Variants in TCEANC2 observed in about 807,000 individuals in gnomAD.
TCEANC2 encodes the protein transcription elongation factor A N-terminal and central domain containing 2.
A neutral mutation model predicts 22.8 loss-of-function variants in TCEANC2; 20 were observed. The observed-to-expected ratio is 0.88, with a 90% confidence interval of 0.62 to 1.28. The LOEUF (loss-of-function observed/expected upper bound fraction) is 1.28, where lower values mean the gene tolerates loss of function less well. TCEANC2 is among the 50% of genes most tolerant of loss of function. The probability of loss-of-function intolerance (pLI) is 0.00; values close to 1 mark genes in which losing one functional copy is unlikely to be tolerated. For missense variants in TCEANC2, 251 were observed against 249.7 expected, an observed-to-expected ratio of 1.01 and a Z score of -0.03; for synonymous variants, 84 against 95.5, an observed-to-expected ratio of 0.88 and a Z score of 0.70.
chr1:54,062,201 C>T (rs1400139657), intron 2 of TCEANC2, among the ~76,000 whole-genome samples: 1 of 152,186 alleles, frequency 6.6e-6, no homozygotes, highest in Non-Finnish European at 1.5e-5. Context: ...GACATTTCAG[C>T]AATCCACAAC....
chr1:54,067,459 A>C (rs1657979542), intron 2 of TCEANC2, among the ~76,000 whole-genome samples: 1 of 152,214 alleles, frequency 6.6e-6, no homozygotes, highest in African/African-American at 2.4e-5. Context: ...ATACGAGAAA[A>C]AGAAAGTCAG....
chr1:54,075,905 T>C (rs1658134301), intron 3 of TCEANC2, among the ~76,000 whole-genome samples: 1 of 151,748 alleles, frequency 6.6e-6, no homozygotes, highest in South Asian at 2.1e-4. Context: ...TCCTAGCTAC[T>C]CGGGAGGCTG....
Position 54,096,629 on chromosome 1 carries a change from T to C in TCEANC2, c.*156T>C. 2.2e-6 allele frequency: 3 copies of C among 1,374,690 alleles called. No homozygotes were observed. Among genetic ancestry groups the C allele is most frequent in the Non-Finnish European group, 2.8e-6 (3 of 1,054,610 alleles). 85.2% of individuals were successfully genotyped at this position (1,374,690 alleles called of 1,614,324 possible). A position where few individuals can be genotyped will look rare whatever the true frequency, so the allele number is the denominator to read the frequency against. On this transcript the variant is annotated 3_prime_UTR_variant, in exon 5 of 5. Coordinates refer to ENST00000234827, the MANE Select transcript of TCEANC2 (RefSeq NM_153035.3). The surrounding 1 kb of genome is among the most constrained non-coding windows in gnomAD (Gnocchi z 4.9). Reference sequence around the variant, plus strand: ...TGCAGACAGAGGATTCGGAGAGCCCTAGGAGACAGGCCTGCAGGAATGTGC... The same window carrying C: ...TGCAGACAGAGGATTCGGAGAGCCCCAGGAGACAGGCCTGCAGGAATGTGC...
rs1355310445 is a variant in TCEANC2, at chr1:54,105,364, G to A, written c.*8891G>A. Reference sequence around the variant, plus strand: ...GGTCAGTTCAAGGTTATGAAGGCCTGGCCCCACTGCCTCAACTTGACAACT... The same window carrying A: ...GGTCAGTTCAAGGTTATGAAGGCCTAGCCCCACTGCCTCAACTTGACAACT... On this transcript the variant is annotated 3_prime_UTR_variant, in exon 5 of 5. Transcript: ENST00000234827. 4 of 152,220 alleles carry A rather than the reference G, an allele frequency of 2.6e-5. No individual in the cohort carries two copies. Among genetic ancestry groups the A allele is most frequent in the Non-Finnish European group, 5.9e-5 (4 of 68,116 alleles). The allele number at this position is 152,220 out of a possible 1,614,324, so 9.4% of individuals were successfully genotyped here. A position where few individuals can be genotyped will look rare whatever the true frequency, so the allele number is the denominator to read the frequency against.
At chr1:54,090,471 C>T (rs77176392) in intron 4 of TCEANC2, among the ~76,000 whole-genome samples, 1 of 152,074 alleles carries the variant, frequency 6.6e-6, no homozygotes, top group Non-Finnish European at 1.5e-5. Flanking sequence ...AGTAACATTG[C>T]AGAATATTGA....
chr1:54,057,097 A>G (rs888703984), intron 2 of TCEANC2, among the ~76,000 whole-genome samples: 1 of 151,814 alleles, frequency 6.6e-6, no homozygotes, highest in African/African-American at 2.4e-5. Flanking sequence ...CCTTAAATGC[A>G]TTAGCTTTTC....
Position 54,105,133 on chromosome 1 carries a change from T to G in TCEANC2, c.*8660T>G, listed in dbSNP as rs143987293. On this transcript the variant is annotated 3_prime_UTR_variant, in exon 5 of 5. Transcript: ENST00000234827. ...CCAGGAAAGGAGGTCCACCAGAACT[T>G]AAACCAAAAAGTAGAGCTGAGCAGC... 8.4e-5 allele frequency: 13 copies of G among 153,886 alleles called. No individual in the cohort carries two copies. Among genetic ancestry groups the G allele is most frequent in the South Asian group, 2.0e-4 (1 of 4,946 alleles). The allele number at this position is 153,886 out of a possible 1,614,324, so 9.5% of individuals were successfully genotyped here. A position where few individuals can be genotyped will look rare whatever the true frequency, so the allele number is the denominator to read the frequency against.
At chr1:54,095,327 A>G (rs1282197644) in intron 4 of TCEANC2, among the ~76,000 whole-genome samples, 1 of 151,930 alleles carries the variant, frequency 6.6e-6, no homozygotes, top group Non-Finnish European at 1.5e-5. Flanking sequence ...GTGCCTTGCT[A>G]AGGGAACATG....
chr1:54,054,653 C>T (rs564782101), intron 2 of TCEANC2, 129 bp downstream of exon 2: 1 of 906,342 alleles, frequency 1.1e-6, no homozygotes, highest in Admixed American at 3.0e-5. Flanking sequence ...TACCTGACCA[C>T]TCCTCCTTTG....
At chr1:54,063,853 G>A (rs950397) in intron 2 of TCEANC2, among the ~76,000 whole-genome samples, 14,692 of 152,214 alleles carry the variant, frequency 0.097, 1,669 homozygotes, top group African/African-American at 0.28. Context: ...TATGTGTTCA[G>A]TACAGATGCA....
In TCEANC2 at chr1:54,088,787, A is replaced by G. The variant is rs754410353; in HGVS notation, c.435A>G (p.Leu145=). ...AATTACTCTCAGAAGCCTTGGAATTAAAGGTAATGCCCTAAATATATACAA... is the reference window on the plus strand; with the variant it reads ...AATTACTCTCAGAAGCCTTGGAATTGAAGGTAATGCCCTAAATATATACAA... ...AQKLLSEALE[L]KMDHLLVENI... Residue 145 remains leucine, a synonymous_variant, in exon 4 of 5, where the codon TTA becomes TTG. Transcript: ENST00000234827. The G allele has an allele frequency of 5.1e-6, 8 of 1,580,226 alleles. No homozygotes were observed. The South Asian group carries it at 9.3e-5, about 18-fold the overall frequency.
exon 5 of TCEANC2, chr1:54,111,844 C>T (rs1658845727): frequency 6.6e-6 from 1 of 152,284 alleles, no homozygotes; most frequent in Non-Finnish European, 1.5e-5. Context: ...CGGCCTCCCT[C>T]TCTGGCAAGG....
At chr1:54,089,715 G>T in intron 4 of TCEANC2, 1 of 259,472 alleles carries the variant, frequency 3.9e-6, no homozygotes, top group Non-Finnish European at 7.2e-6. Flanking sequence ...AAAAATTTTA[G>T]CCTTTCTATC....
intron 2 of TCEANC2, among the ~76,000 whole-genome samples, chr1:54,065,336 G>C (rs917529098): frequency 6.6e-6 from 1 of 152,188 alleles, no homozygotes. Context: ...ATAAGGGATA[G>C]GCAGAGAAGC....
rs867844353 is a variant in TCEANC2, at chr1:54,081,569, A to G, written c.245-7028A>G. 7.2e-5 allele frequency among the ~76,000 whole-genome samples: 11 copies of G among 152,210 alleles called. No homozygotes were observed. The South Asian group carries it at 8.3e-4, about 11-fold the overall frequency. On this transcript the variant is annotated intron_variant, in intron 3 of 4. Transcript: ENST00000234827. ...CCTGTCATTATTAATGTTATCATGA[A>G]ATTCCCTTTGTGATCTGAAATTTAT... is the stretch of plus-strand genomic sequence containing the variant.
chr1:54,078,291 G>A (rs757783111), intron 3 of TCEANC2, among the ~76,000 whole-genome samples: 8 of 152,036 alleles, frequency 5.3e-5, no homozygotes, highest in Non-Finnish European at 8.8e-5. Flanking sequence ...TTTATAAACA[G>A]GGAAACTGAG....
chr1:54,054,718 C>T (rs1657713138), intron 2 of TCEANC2, among the ~76,000 whole-genome samples, 194 bp downstream of exon 2: 1 of 152,236 alleles, frequency 6.6e-6, no homozygotes, highest in Admixed American at 6.5e-5. Flanking sequence ...ACCCCTGCTA[C>T]ACCCTTGTAA....
chr1:54,073,392 C>T (rs1417337376), intron 3 of TCEANC2, among the ~76,000 whole-genome samples: 2 of 152,258 alleles, frequency 1.3e-5, no homozygotes, highest in Admixed American at 6.5e-5. Context: ...TAGCACACCT[C>T]TTAAGGATCT....
In TCEANC2 at chr1:54,101,111, A is replaced by G. The variant is rs1334631223; in HGVS notation, c.*4638A>G. 11 of 152,196 alleles carry G rather than the reference A, an allele frequency of 7.2e-5. 1 individual carries two copies. In the South Asian group the frequency reaches 8.3e-4, roughly 11 times the overall value. The allele number at this position is 152,196 out of a possible 1,614,324, so 9.4% of individuals were successfully genotyped here. A position where few individuals can be genotyped will look rare whatever the true frequency, so the allele number is the denominator to read the frequency against. On this transcript the variant is annotated 3_prime_UTR_variant, in exon 5 of 5. Transcript: ENST00000234827. The stretch of plus-strand genomic sequence containing the variant: ...AGCTGGCCTTTTTCATTTATAGAAT[A>G]TCAGGTTCTTAAACTTGTGCCTGTC...
Sources: gnomAD v4.1 joint callset for allele counts (sites outside exome capture counted in the v4.1 genomes callset) on GRCh38, gnomAD v4.1.1 for gene constraint, Gnocchi (gnomAD v3.1) non-coding constraint, MANE v1.5 for transcripts, NCBI Gene and HGNC (gene_info 2026-07-23, HGNC 2026-07-21) for gene names.